FAT4: variants seen among roughly 807,000 people sequenced by gnomAD.
FAT4 encodes the protein FAT atypical cadherin 4.
Under a neutral mutation model 303.9 loss-of-function variants are expected in FAT4, and 84 were observed. The ratio of observed to expected loss-of-function variants is 0.28; its 90% CI spans 0.23 to 0.33. The LOEUF (loss-of-function observed/expected upper bound fraction) is 0.33, where lower values mean the gene tolerates loss of function less well. Ranked by LOEUF, FAT4 falls within the 10% of genes least tolerant of loss-of-function variation. The probability of loss-of-function intolerance (pLI) is 1.00; values close to 1 mark genes in which losing one functional copy is unlikely to be tolerated. For missense variants in FAT4, 6,005 were observed against 6,146.8 expected (o/e 0.98, Z 0.77); for synonymous variants, 2,307 against 2,298.8 (o/e 1.00, Z -0.10).
Position 125,490,709 on chromosome 4 carries a change from C to T in FAT4, c.13893C>T (p.Ala4631=), listed in dbSNP as rs144900187. The part of the protein sequence containing the change: ...HYDIDNASSI[A]PSDADIIQHY... ...ACATTGACAACGCCAGCAGCATCGCCCCTTCGGATGCAGACATCATTCAAC... is the reference window on the plus strand; with the variant it reads ...ACATTGACAACGCCAGCAGCATCGCTCCTTCGGATGCAGACATCATTCAAC... Residue 4631 remains alanine (A), a synonymous_variant, in exon 18 of 18, where the codon GCC becomes GCT. Coordinates refer to ENST00000394329, the MANE Select transcript of FAT4 (RefSeq NM_001291303.3). 15 of 1,613,984 alleles carry T rather than the reference C, an allele frequency of 9.3e-6. No homozygotes were observed. The African/African-American group carries it at 1.1e-4, about 11-fold the overall frequency.
At position 125,408,460 on chromosome 4, in the gene FAT4, C is replaced by T. The variant is rs762194930; in HGVS notation, c.5586C>T (p.Ala1862=). The T allele has an allele frequency of 1.9e-6, 3 of 1,595,920 alleles. No individual in the cohort carries two copies. The South Asian group carries it at 3.4e-5, about 18-fold the overall frequency. ...TTTTGATAGGTTCTTTGGTAGCAGCCATTTTAGCCACGGATGATGACTCTG... is the reference window on the plus strand; with the variant it reads ...TTTTGATAGGTTCTTTGGTAGCAGCTATTTTAGCCACGGATGATGACTCTG... ...EDTIPGSLVA[A]ILATDDDSGV... Residue 1862 remains alanine, a synonymous_variant, in exon 5 of 18, where the codon GCC becomes GCT. Coordinates refer to ENST00000394329, the MANE Select transcript of FAT4 (RefSeq NM_001291303.3).
At chr4:125,347,931 G>A (rs1035269541) in intron 2 of FAT4, among the ~76,000 whole-genome samples, 2 of 151,666 alleles carry the variant, frequency 1.3e-5, no homozygotes, top group African/African-American at 4.8e-5. Flanking sequence ...TAATCATATT[G>A]ATGCTTAATA....
At chr4:125,373,616 A>T (rs563183580) in intron 2 of FAT4, among the ~76,000 whole-genome samples, 12 of 152,192 alleles carry the variant, frequency 7.9e-5, no homozygotes, top group Admixed American at 1.3e-4. Flanking sequence ...TTCTATTTTG[A>T]CAAACACTGT....
chr4:125,449,374 C>A lies in FAT4; in HGVS notation c.8364C>A (p.Pro2788=). The A allele has an allele frequency of 6.2e-7, 1 of 1,613,708 alleles. No individual in the cohort carries two copies. Among genetic ancestry groups the A allele is most frequent in the Non-Finnish European group, 8.5e-7 (1 of 1,179,818 alleles). The change falls in exon 10 of 18, where the codon CCC becomes CCA. Residue 2788 remains proline (P), a synonymous_variant. Coordinates refer to ENST00000394329, the MANE Select transcript of FAT4 (RefSeq NM_001291303.3). Reference sequence around the variant, plus strand: ...GTGCCCATGTTCCTGAAAATTCCCCCTTAGGATACACAGTTACCCGTGTCA... The same window carrying A: ...GTGCCCATGTTCCTGAAAATTCCCCATTAGGATACACAGTTACCCGTGTCA... The part of the protein sequence containing the change: ...IFSAHVPENS[P]LGYTVTRVTT...
chr4:125,445,265 A>C (rs2126053779), intron 8 of FAT4, among the ~76,000 whole-genome samples: 1 of 152,242 alleles, frequency 6.6e-6, no homozygotes, highest in East Asian at 1.9e-4. Context: ...AAGTAGGATA[A>C]AAAATGCTGA....
intron 8 of FAT4, among the ~76,000 whole-genome samples, chr4:125,437,492 A>C (rs374356058): frequency 6.6e-6 from 1 of 152,176 alleles, no homozygotes; most frequent in South Asian, 2.1e-4. Context: ...ACCAAGACTT[A>C]TTCCAAGAGA....
At chr4:125,446,621 T>C in intron 9 of FAT4, 78 bp downstream of exon 9, 1 of 1,335,784 alleles carries the variant, frequency 7.5e-7, no homozygotes, top group Non-Finnish European at 9.9e-7. Flanking sequence ...ATTTATGATA[T>C]TTTACATACA....
intron 7 of FAT4, among the ~76,000 whole-genome samples, chr4:125,433,389 T>C (rs184507777): frequency 6.6e-6 from 1 of 152,330 alleles, no homozygotes; most frequent in East Asian, 1.9e-4. Context: ...ATCTTCATTG[T>C]TTCTATTTAG....
intron 7 of FAT4, among the ~76,000 whole-genome samples, chr4:125,425,657 T>C (rs1050665169): frequency 2.6e-5 from 4 of 152,122 alleles, no homozygotes; most frequent in African/African-American, 4.8e-5. Flanking sequence ...ACAATACATA[T>C]GATATGCTCA....
chr4:125,409,034 T>A (rs1311074126), intron 5 of FAT4, among the ~76,000 whole-genome samples: 1 of 152,186 alleles, frequency 6.6e-6, no homozygotes, highest in African/African-American at 2.4e-5. Context: ...TATCTTATTT[T>A]TCCCCCTAAA....
chr4:125,379,381 C>A (rs1011967940), intron 2 of FAT4, among the ~76,000 whole-genome samples: 1 of 151,854 alleles, frequency 6.6e-6, no homozygotes, highest in African/African-American at 2.4e-5. Context: ...GCTTGACTTG[C>A]AACTTCATTG....
rs754190558 is a variant in FAT4 at position 125,448,560 on chromosome 4, T to C, written c.7550T>C (p.Ile2517Thr). Residue 2517 changes from isoleucine to threonine, a missense_variant, in exon 10 of 18, where the codon ATT becomes ACT. Coordinates refer to ENST00000394329, the MANE Select transcript of FAT4 (RefSeq NM_001291303.3). ...LSGRNSEKFH[I>T]DPLRGAIMAA... is the part of the protein sequence containing the mutation. ...GGTAGAAATTCTGAAAAATTTCACA[T>C]TGACCCACTGAGGGGAGCCATTATG... The C allele has an allele frequency of 1.5e-5, 25 of 1,613,830 alleles. No homozygotes were observed. The highest frequency in any genetic ancestry group is 1.9e-5 in the Non-Finnish European group (22 of 1,179,906).
At position 125,318,803 on chromosome 4, in the gene FAT4, T is replaced by C. The variant is rs924104772; in HGVS notation, c.2392T>C (p.Tyr798His). ...DNPPVFSQVA[Y>H]SFVVFENVAL... Reference sequence around the variant, plus strand: ...CCCACCTGTATTCAGTCAGGTTGCCTACAGCTTTGTGGTTTTTGAGAACGT... The same window carrying C: ...CCCACCTGTATTCAGTCAGGTTGCCCACAGCTTTGTGGTTTTTGAGAACGT... Residue 798 changes from tyrosine to histidine, a missense_variant, in exon 2 of 18, where the codon TAC (tyrosine) becomes CAC (histidine). Tyr to His is a moderately conservative substitution (Grantham distance 83). Coordinates refer to ENST00000394329, the MANE Select transcript of FAT4 (RefSeq NM_001291303.3). 6.2e-7 allele frequency: 1 copy of C among 1,614,104 alleles called. No homozygotes were observed. The highest frequency in any genetic ancestry group is 8.5e-7 in the Non-Finnish European group (1 of 1,180,050).
rs752223574 is a variant in FAT4 at position 125,451,665 on chromosome 4, G to A, written c.10655G>A (p.Ser3552Asn). ...GGTCCCTTTACTTATTACTTGCTGAGCACAGGTCCTGCCACCAGTTATTTC... is the reference window on the plus strand; with the variant it reads ...GGTCCCTTTACTTATTACTTGCTGAACACAGGTCCTGCCACCAGTTATTTC... ...NQGPFTYYLL[S>N]TGPATSYFSL... The change falls in exon 10 of 18, where the codon AGC becomes AAC. Residue 3552 changes from serine (S) to asparagine (N), a missense_variant. Transcript: ENST00000394329. 4.3e-6 allele frequency: 7 copies of A among 1,614,102 alleles called. No homozygotes were observed. The highest frequency in any genetic ancestry group is 5.9e-6 in the Non-Finnish European group (7 of 1,180,014).
intron 9 of FAT4, among the ~76,000 whole-genome samples, chr4:125,448,041 G>T (rs975672971): frequency 6.6e-6 from 1 of 152,036 alleles, no homozygotes; most frequent in Non-Finnish European, 1.5e-5. Flanking sequence ...GATATTTTAA[G>T]ACACACTAGA....
At chr4:125,401,502 G>A (rs963667536) in intron 3 of FAT4, among the ~76,000 whole-genome samples, 1 of 151,756 alleles carries the variant, frequency 6.6e-6, no homozygotes, top group Admixed American at 6.6e-5. Flanking sequence ...TCAGCCAATT[G>A]TGTAGATTTT....
intron 7 of FAT4, among the ~76,000 whole-genome samples, chr4:125,430,926 T>A (rs1725262123): frequency 6.6e-6 from 1 of 152,184 alleles, no homozygotes; most frequent in African/African-American, 2.4e-5. Context: ...GAAAAATAAG[T>A]TGATATTCTT....
rs766800954 is a variant in FAT4, at chr4:125,316,468, A to C, written c.57A>C (p.Leu19=). 1 of 1,613,700 alleles carries C rather than the reference A, an allele frequency of 6.2e-7. No homozygotes were observed. The highest frequency in any genetic ancestry group is 1.3e-5 in the African/African-American group (1 of 74,900). The change falls in exon 2 of 18, where the codon CTA becomes CTC. Residue 19 remains leucine, a synonymous_variant. Coordinates refer to ENST00000394329, the MANE Select transcript of FAT4 (RefSeq NM_001291303.3). The surrounding 1 kb of genome is among the most constrained non-coding windows in gnomAD (Gnocchi z 5.7). The stretch of plus-strand genomic sequence containing the variant: ...GCCCGTGGCTCCCGTTGCACACTCT[A>C]TCAGTATCTCAGCTCCTTCGAGTGT... ...TGRPWLPLHT[L]SVSQLLRVFW...
At chr4:125,484,299 C>T (rs1727334055) in intron 16 of FAT4, among the ~76,000 whole-genome samples, 1 of 152,008 alleles carries the variant, frequency 6.6e-6, no homozygotes, top group African/African-American at 2.4e-5. Context: ...GAGAGAAAGG[C>T]AAAAGGAAAG....
Sources: gnomAD v4.1 joint callset for allele counts (sites outside exome capture counted in the v4.1 genomes callset) on GRCh38, gnomAD v4.1.1 for gene constraint, Gnocchi (gnomAD v3.1) non-coding constraint, MANE v1.5 for transcripts, NCBI Gene and HGNC (gene_info 2026-07-23, HGNC 2026-07-21) for gene names.